The following EPHA6 variants were observed in gnomAD, a reference collection of about 807,000 sequenced individuals.
EPHA6 encodes EPH receptor A6, also known as ephrin type-A receptor 6.
Under a neutral mutation model 112.0 loss-of-function variants are expected in EPHA6, and 50 were observed. The ratio of observed to expected loss-of-function variants is 0.45; its 90% CI spans 0.36 to 0.56. The LOEUF is 0.56. Ranked by LOEUF, EPHA6 falls within the 20% of genes least tolerant of loss-of-function variation. The pLI is 0.00. For missense variants in EPHA6, 1,280 were observed against 1,417.4 expected (o/e 0.90, Z 1.56); for synonymous variants, 529 against 490.7 (o/e 1.08, Z -1.03).
At chr3:97,193,922 TTGATA>T (rs2077372829) in intron 3 of EPHA6, among the ~76,000 whole-genome samples, 1 of 152,120 alleles carries the variant, frequency 6.6e-6, no homozygotes, top group Non-Finnish European at 1.5e-5. Flanking sequence ...TTTCATTCTG[TTGATA>T]TGATATATCA....
intron 2 of EPHA6, among the ~76,000 whole-genome samples, chr3:96,933,392 C>T (rs1442217244): frequency 6.6e-6 from 1 of 152,102 alleles, no homozygotes; most frequent in East Asian, 1.9e-4. Flanking sequence ...TTGTTACTTA[C>T]CTAATTAATT....
chr3:97,366,750 A>G (rs535036176), intron 5 of EPHA6, among the ~76,000 whole-genome samples: 4 of 152,310 alleles, frequency 2.6e-5, no homozygotes, highest in African/African-American at 4.8e-5. Flanking sequence ...ATGATTATGT[A>G]CTTATGTAGA....
intron 5 of EPHA6, among the ~76,000 whole-genome samples, chr3:97,370,888 A>G (rs1039813767): frequency 1.3e-5 from 2 of 152,116 alleles, no homozygotes; most frequent in African/African-American, 4.8e-5. Context: ...TTGCAGGATG[A>G]TGTAGCTAAT....
intron 1 of EPHA6, among the ~76,000 whole-genome samples, chr3:96,827,598 G>C (rs1309720187): frequency 6.6e-6 from 1 of 152,018 alleles, no homozygotes; most frequent in Non-Finnish European, 1.5e-5. Context: ...CATATACTCG[G>C]ATCAATTAAT....
chr3:97,305,855 G>A (rs928649779), intron 5 of EPHA6, among the ~76,000 whole-genome samples: 1 of 151,836 alleles, frequency 6.6e-6, no homozygotes, highest in Non-Finnish European at 1.5e-5. Flanking sequence ...TCCTGCACAT[G>A]TATCCTAGAA....
chr3:97,619,086 C>T (rs1459887495), intron 13 of EPHA6, among the ~76,000 whole-genome samples: 25 of 151,978 alleles, frequency 1.6e-4, no homozygotes, highest in Admixed American at 1.6e-3. Context: ...TTGTGATCAT[C>T]CCCAGGGTGC....
intron 14 of EPHA6, among the ~76,000 whole-genome samples, chr3:97,672,941 G>A (rs966959192): frequency 1.3e-5 from 2 of 152,146 alleles, no homozygotes; most frequent in African/African-American, 4.8e-5. Context: ...ATGTTCTCCA[G>A]TAGTGAGAAG....
intron 3 of EPHA6, among the ~76,000 whole-genome samples, chr3:97,219,340 C>T (rs1480397833): frequency 6.6e-6 from 1 of 152,126 alleles, no homozygotes; most frequent in African/African-American, 2.4e-5. Flanking sequence ...GAGGGCTCCA[C>T]CCCTGCATCA....
chr3:96,854,718 G>C (rs1318410431), intron 1 of EPHA6, among the ~76,000 whole-genome samples: 1 of 152,104 alleles, frequency 6.6e-6, no homozygotes, highest in East Asian at 1.9e-4. Context: ...AGAAAATGGA[G>C]AAATCAGATT....
At chr3:97,656,822 T>G (rs775133302) in intron 14 of EPHA6, among the ~76,000 whole-genome samples, 29 of 151,964 alleles carry the variant, frequency 1.9e-4, no homozygotes, top group Non-Finnish European at 2.8e-4. Context: ...TTTTCATATA[T>G]TCATATCATT....
intron 1 of EPHA6, among the ~76,000 whole-genome samples, chr3:96,863,867 C>A (rs998057341): frequency 2.0e-5 from 3 of 151,906 alleles, no homozygotes; most frequent in Admixed American, 2.0e-4. Context: ...TAATGAAAGC[C>A]TTGATTTGAA....
intron 3 of EPHA6, among the ~76,000 whole-genome samples, chr3:97,037,685 A>T (rs1026934928): frequency 6.6e-6 from 1 of 152,078 alleles, no homozygotes; most frequent in African/African-American, 2.4e-5. Flanking sequence ...GGATCATAAG[A>T]GGAAAGAAAG....
intron 14 of EPHA6, among the ~76,000 whole-genome samples, chr3:97,676,731 A>G (rs1225218944): frequency 6.6e-6 from 1 of 152,196 alleles, no homozygotes; most frequent in Non-Finnish European, 1.5e-5. Flanking sequence ...AGATGGGAGT[A>G]TGAACTGTTT....
chr3:97,000,753 T>C (rs74587299), intron 3 of EPHA6, among the ~76,000 whole-genome samples: 3,599 of 151,540 alleles, frequency 0.024, 146 homozygotes, highest in African/African-American at 0.082. Flanking sequence ...ATTACGGTAA[T>C]CAGGATTTTT....
intron 5 of EPHA6, among the ~76,000 whole-genome samples, chr3:97,293,239 C>T (rs559420438): frequency 5.7e-4 from 87 of 151,996 alleles, no homozygotes; most frequent in Middle Eastern, 3.4e-3. Flanking sequence ...TCCTGGCTAG[C>T]GTCCACCTCT....
chr3:97,610,375 TAA>T (rs1020754715), intron 12 of EPHA6, among the ~76,000 whole-genome samples: 5 of 151,752 alleles, frequency 3.3e-5, no homozygotes. Context: ...CACTGTAATA[TAA>T]GTCAGGCAAA....
chr3:97,313,522 T>C (rs1391280579), intron 5 of EPHA6, among the ~76,000 whole-genome samples: 1 of 151,634 alleles, frequency 6.6e-6, no homozygotes, highest in Non-Finnish European at 1.5e-5. Flanking sequence ...GGTTCCTTTT[T>C]TCCACATCTT....
chr3:97,587,364 C>G (rs2093500219), intron 11 of EPHA6, among the ~76,000 whole-genome samples: 2 of 152,216 alleles, frequency 1.3e-5, no homozygotes, highest in Admixed American at 1.3e-4. Flanking sequence ...TATAAATACT[C>G]ATTTGTAAAT....
chr3:96,949,973 G>A (rs887686844), intron 2 of EPHA6, among the ~76,000 whole-genome samples: 1 of 152,106 alleles, frequency 6.6e-6, no homozygotes, highest in Admixed American at 6.5e-5. Flanking sequence ...TAGCTTTGAA[G>A]TCTTTGTGTC....
Sources: allele counts gnomAD v4.1 joint callset (sites outside exome capture counted in the v4.1 genomes callset), GRCh38; gene constraint gnomAD v4.1.1; transcripts MANE v1.5; gene names NCBI Gene and HGNC (gene_info 2026-07-23, HGNC 2026-07-21).